Variants in RALGPS1 observed in about 807,000 individuals in gnomAD.
RALGPS1 encodes the protein ras-specific guanine nucleotide-releasing factor RalGPS1.
A neutral mutation model predicts 78.8 loss-of-function variants in RALGPS1; 19 were observed. That is an observed-to-expected ratio of 0.24 (90% CI 0.17 to 0.35). The LOEUF (loss-of-function observed/expected upper bound fraction) is 0.35, where lower values mean the gene tolerates loss of function less well. Ranked by LOEUF, RALGPS1 falls within the 10% of genes least tolerant of loss-of-function variation. RALGPS1 has a pLI of 1.00. For missense variants in RALGPS1, 454 were observed against 688.3 expected (o/e 0.66, Z 3.81); for synonymous variants, 228 against 256.3 (o/e 0.89, Z 1.06).
intron 1 of RALGPS1, among the ~76,000 whole-genome samples, chr9:126,928,627 G>A (rs1051815882): frequency 2.0e-5 from 3 of 151,764 alleles, no homozygotes; most frequent in Admixed American, 6.6e-5. Flanking sequence ...TGGAGATGGA[G>A]TCTCGCTCTT....
chr9:127,082,951 G>T (rs903973672), intron 8 of RALGPS1, among the ~76,000 whole-genome samples: 1 of 152,130 alleles, frequency 6.6e-6, no homozygotes, highest in Non-Finnish European at 1.5e-5. Flanking sequence ...AGGCCCATCT[G>T]GGCACAGCCA....
At chr9:126,966,988 C>T (rs2039569846) in intron 3 of RALGPS1, among the ~76,000 whole-genome samples, 1 of 152,100 alleles carries the variant, frequency 6.6e-6, no homozygotes, top group Admixed American at 6.6e-5. Context: ...AACTTCTCTC[C>T]AGAACCCTGA....
rs374259456 is a variant in RALGPS1 at position 127,113,248 on chromosome 9, C to T, written c.610+43892C>T. On this transcript the variant is annotated intron_variant, in intron 8 of 18. Coordinates refer to ENST00000259351, the MANE Select transcript of RALGPS1 (RefSeq NM_014636.3). ...GCTCAGTGATTTGCCCAGGAACACA[C>T]GGCAGATAACAGCCAAAGGTGACTG... 3.5e-4 allele frequency among the ~76,000 whole-genome samples: 54 copies of T among 152,260 alleles called. No homozygotes were observed. The East Asian group carries it at 9.6e-3, about 27-fold the overall frequency.
At chr9:127,169,983 G>C (rs2059485025) in intron 10 of RALGPS1, among the ~76,000 whole-genome samples, 1 of 152,218 alleles carries the variant, frequency 6.6e-6, no homozygotes, top group African/African-American at 2.4e-5. Flanking sequence ...GTCGTAAGTT[G>C]AGGAGCATCT....
intron 14 of RALGPS1, among the ~76,000 whole-genome samples, chr9:127,203,665 G>A (rs2061769876): frequency 6.6e-6 from 1 of 152,188 alleles, no homozygotes; most frequent in Non-Finnish European, 1.5e-5. Context: ...TGAGGGAATG[G>A]GTCAGAGCTC....
chr9:127,089,028 C>A (rs2052120922), intron 8 of RALGPS1: 2 of 1,614,220 alleles, frequency 1.2e-6, no homozygotes, highest in Non-Finnish European at 1.7e-6. Context: ...CAGTAGACTC[C>A]GTCCTGGTAG....
intron 8 of RALGPS1, among the ~76,000 whole-genome samples, chr9:127,159,576 C>G (rs10987569): frequency 1.3e-5 from 2 of 152,218 alleles, no homozygotes; most frequent in South Asian, 2.1e-4. Flanking sequence ...GGAATACTCT[C>G]TAAATGAGGA....
intron 8 of RALGPS1, among the ~76,000 whole-genome samples, chr9:127,125,627 C>G (rs1481738286): frequency 6.6e-6 from 1 of 152,194 alleles, no homozygotes; most frequent in African/African-American, 2.4e-5. Context: ...CTTCTCCCCA[C>G]TCCCACCCTG....
Position 127,220,103 on chromosome 9 carries a change from T to C in RALGPS1, c.*1334T>C, listed in dbSNP as rs989115940. 5.2e-5 allele frequency: 8 copies of C among 152,634 alleles called. No homozygotes were observed. The highest frequency in any genetic ancestry group is 1.4e-4 in the African/African-American group (6 of 41,470). 9.5% of individuals were successfully genotyped at this position (152,634 alleles called of 1,614,324 possible). A position where few individuals can be genotyped will look rare whatever the true frequency, so the allele number is the denominator to read the frequency against. On this transcript the variant is annotated 3_prime_UTR_variant, in exon 19 of 19. Coordinates refer to ENST00000259351, the MANE Select transcript of RALGPS1 (RefSeq NM_014636.3). ...TTTTATTCAGAATAATAAATCACTC[T>C]TTATCATAGTATCTTCTCTTCCCTC...
rs146591025 is a variant in RALGPS1, at chr9:127,024,848, G to A, written c.217-9583G>A. Among the ~76,000 whole-genome samples, 956 of 152,144 alleles carry A rather than the reference G, an allele frequency of 6.3e-3. 30 individuals are homozygous for A. In the East Asian group the frequency reaches 0.089, roughly 14 times the overall value. ...AACTAGTTGTTTTCCAGTCTTTTGC[G>A]CAGCTGTTTTTATAGGACCTTCCTT... On this transcript the variant is annotated intron_variant, in intron 4 of 18. Coordinates refer to ENST00000259351, the MANE Select transcript of RALGPS1 (RefSeq NM_014636.3).
intron 3 of RALGPS1, among the ~76,000 whole-genome samples, chr9:126,975,139 A>G (rs1256276846): frequency 6.6e-6 from 1 of 152,192 alleles, no homozygotes; most frequent in East Asian, 1.9e-4. Flanking sequence ...TAGATACTGT[A>G]TCTTTTTTGG....
In RALGPS1 at chr9:127,211,986, C is replaced by T; in HGVS notation, c.1248-145C>T. On this transcript the variant is annotated intron_variant, in intron 14 of 18. Transcript: ENST00000259351. This position sits in a 1 kb window ranked among gnomAD's most constrained non-coding sequence, Gnocchi z 5.0. ...CATGTGCGTTATCACCTGGCCCTCC[C>T]CTCCGGGCCTTGCTCTGCGCCGTTA... 1.6e-6 allele frequency: 1 copy of T among 611,670 alleles called. No homozygotes were observed. The highest frequency in any genetic ancestry group is 3.2e-5 in the Admixed American group (1 of 31,140). 37.9% of individuals were successfully genotyped at this position (611,670 alleles called of 1,614,324 possible). A position where few individuals can be genotyped will look rare whatever the true frequency, so the allele number is the denominator to read the frequency against.
intron 4 of RALGPS1, among the ~76,000 whole-genome samples, chr9:127,001,102 A>G (rs2043261418): frequency 7.6e-6 from 1 of 131,482 alleles, no homozygotes; most frequent in Non-Finnish European, 1.5e-5. Context: ...ACAAAACAAA[A>G]CAAAACAAAA....
intron 3 of RALGPS1, among the ~76,000 whole-genome samples, chr9:126,973,651 A>G: frequency 6.6e-6 from 1 of 152,150 alleles, no homozygotes; most frequent in South Asian, 2.1e-4. Flanking sequence ...TCAGTGTACA[A>G]TTCAGCAGTG....
intron 1 of RALGPS1, among the ~76,000 whole-genome samples, chr9:126,961,422 A>G (rs562531638): frequency 4.6e-5 from 7 of 152,304 alleles, no homozygotes; most frequent in East Asian, 1.9e-4. Context: ...GGGGTTAGCT[A>G]TTACCCAGGT....
chr9:127,181,873 T>G (rs1173795178), intron 11 of RALGPS1, among the ~76,000 whole-genome samples: 1 of 151,736 alleles, frequency 6.6e-6, no homozygotes, highest in Non-Finnish European at 1.5e-5. Context: ...CTGCTTGACC[T>G]TGATGTCAAG....
chr9:127,194,836 C>G (rs2061267251), intron 11 of RALGPS1, among the ~76,000 whole-genome samples: 1 of 152,218 alleles, frequency 6.6e-6, no homozygotes, highest in Non-Finnish European at 1.5e-5. Flanking sequence ...CTCCCTTTGG[C>G]CAGGACAGCA....
At chr9:127,006,032 A>G (rs921030250) in intron 4 of RALGPS1, among the ~76,000 whole-genome samples, 1 of 152,224 alleles carries the variant, frequency 6.6e-6, no homozygotes, top group Non-Finnish European at 1.5e-5. Context: ...AAAAACACTC[A>G]ACAAACTGGG....
At chr9:127,013,604 C>T (rs537425335) in intron 4 of RALGPS1, among the ~76,000 whole-genome samples, 2 of 152,168 alleles carry the variant, frequency 1.3e-5, no homozygotes, top group Non-Finnish European at 2.9e-5. Flanking sequence ...GCGGGCATCT[C>T]TACACCCATG....
Sources: gnomAD v4.1 joint callset for allele counts (sites outside exome capture counted in the v4.1 genomes callset) on GRCh38, gnomAD v4.1.1 for gene constraint, Gnocchi (gnomAD v3.1) non-coding constraint, MANE v1.5 for transcripts, NCBI Gene and HGNC (gene_info 2026-07-23, HGNC 2026-07-21) for gene names.